AFAP1: variants seen among roughly 807,000 people sequenced by gnomAD.
AFAP1 encodes the protein actin filament associated protein 1, also known as actin filament-associated protein 1.
Under a neutral mutation model 93.9 loss-of-function variants are expected in AFAP1, and 75 were observed. The ratio of observed to expected loss-of-function variants is 0.80; its 90% confidence interval spans 0.66 to 0.97. The LOEUF (loss-of-function observed/expected upper bound fraction) is 0.97, where lower values mean the gene tolerates loss of function less well. Among genes scored for constraint, AFAP1 ranks in the 50% least tolerant of loss-of-function variants. AFAP1 has a pLI of 0.00. For synonymous variants in AFAP1, 517 were observed against 430.7 expected (o/e 1.20, Z -2.48); for missense variants, 1,201 against 1,050.8 (o/e 1.14, Z -1.98).
intron 14 of AFAP1, 139 bp downstream of exon 14, chr4:7,778,623 G>A (rs946705609): frequency 4.9e-6 from 4 of 815,790 alleles, no homozygotes; most frequent in Admixed American, 1.9e-5. Context: ...TGTGGCTGAT[G>A]AGGAAGGATG....
intron 3 of AFAP1, chr4:7,862,226 G>C (rs971825059): frequency 2.0e-5 from 3 of 152,170 alleles, no homozygotes; most frequent in Non-Finnish European, 2.9e-5. Flanking sequence ...CCAGCTACTC[G>C]GGAGGCTGAG....
intron 6 of AFAP1, among the ~76,000 whole-genome samples, chr4:7,825,595 G>A (rs1274170525): frequency 6.6e-6 from 1 of 152,152 alleles, no homozygotes; most frequent in African/African-American, 2.4e-5. Context: ...AACACTGTGT[G>A]TAGAATGAGA....
intron 4 of AFAP1, among the ~76,000 whole-genome samples, chr4:7,851,392 A>C (rs890601711): frequency 3.9e-5 from 6 of 152,192 alleles, no homozygotes; most frequent in Admixed American, 3.9e-4. Context: ...TTCCCTCAAC[A>C]ACCATTCATG....
intron 1 of AFAP1, among the ~76,000 whole-genome samples, chr4:7,918,895 C>A (rs59524238): frequency 8.2e-5 from 12 of 146,818 alleles, no homozygotes; most frequent in South Asian, 2.2e-4. Flanking sequence ...AAGAGACACT[C>A]GGCCCAGGTC....
intron 16 of AFAP1, among the ~76,000 whole-genome samples, chr4:7,771,684 G>C (rs1055922414): frequency 2.0e-5 from 3 of 152,206 alleles, no homozygotes; most frequent in Admixed American, 2.0e-4. Flanking sequence ...TCAAGCCCTG[G>C]CCTGTGTGAC....
intron 4 of AFAP1, 105 bp from the exon 5 acceptor site, chr4:7,843,455 T>C: frequency 2.9e-6 from 3 of 1,044,944 alleles, no homozygotes; most frequent in Non-Finnish European, 4.1e-6. Context: ...AGTAACTGAA[T>C]GAGAAAGGGA....
At chr4:7,846,073 C>T (rs1170653854) in intron 4 of AFAP1, among the ~76,000 whole-genome samples, 1 of 152,316 alleles carries the variant, frequency 6.6e-6, no homozygotes, top group African/African-American at 2.4e-5. Context: ...AGCGAAAGCA[C>T]TGACAAGCAT....
At chr4:7,820,317 G>T (rs997655443) in intron 6 of AFAP1, among the ~76,000 whole-genome samples, 1 of 152,232 alleles carries the variant, frequency 6.6e-6, no homozygotes, top group Non-Finnish European at 1.5e-5. Context: ...AAGCCAGTTT[G>T]AAGTCAACAG....
rs7654948 is a variant in AFAP1 at position 7,890,245 on chromosome 4, T to C, written c.-2-18165A>G. On this transcript the variant is annotated intron_variant, in intron 1 of 17. Coordinates refer to ENST00000420658, the MANE Select transcript of AFAP1 (RefSeq NM_001134647.2). ...ACCCACACATAAACGGTCAACTGAC[T>C]TTTGACAAAGATGCCAAGATAATGC... Among the ~76,000 whole-genome samples the C allele has an allele frequency of 1.1e-3, 169 of 152,298 alleles. 3 individuals carry two copies. The highest frequency in any genetic ancestry group is 3.9e-3 in the African/African-American group (161 of 41,568).
At chr4:7,773,931 G>C (rs888221445) in intron 15 of AFAP1, 1 of 152,402 alleles carries the variant, frequency 6.6e-6, no homozygotes, top group Non-Finnish European at 1.5e-5. Context: ...CTCCCCGCGC[G>C]GCGAGCCATG....
intron 1 of AFAP1, among the ~76,000 whole-genome samples, chr4:7,894,015 A>G (rs1440459165): frequency 9.9e-5 from 15 of 152,190 alleles, no homozygotes; most frequent in Non-Finnish European, 2.2e-4. Context: ...TCAAGAAGGG[A>G]GACAGCACAG....
Position 7,774,762 on chromosome 4 carries a change from C to A in AFAP1, c.2039G>T (p.Arg680Leu). Residue 680 changes from arginine (R) to leucine (L), a missense_variant, in exon 15 of 18, where the codon CGA (arginine) becomes CTA (leucine). By Grantham distance (102) the Arg-to-Leu change is moderately radical. Transcript: ENST00000420658. ...ACCGGCGTTCACTTCAATAGCCGCTCGAAGGTCTTTTCTTTCCTTGCGGAG... is the reference window on the plus strand; with the variant it reads ...ACCGGCGTTCACTTCAATAGCCGCTAGAAGGTCTTTTCTTTCCTTGCGGAG... Reference protein sequence around the residue: ...AQLRKERKDLRAAIEVNAGRK... With the variant: ...AQLRKERKDLLAAIEVNAGRK... The A allele has an allele frequency of 1.1e-5, 17 of 1,614,208 alleles. No individual in the cohort carries two copies. Among genetic ancestry groups the A allele is most frequent in the Non-Finnish European group, 1.4e-5 (17 of 1,180,036 alleles).
chr4:7,915,244 G>T lies in AFAP1; in HGVS notation c.-3+24412C>A, dbSNP rs1000039660. Among the ~76,000 whole-genome samples the T allele has an allele frequency of 6.1e-5, 3 of 49,496 alleles. No individual in the cohort carries two copies. The South Asian group carries it at 3.0e-3, about 50-fold the overall frequency. The allele number at this position is 49,496 out of a possible 152,430, so 32.5% of individuals were successfully genotyped here. On this transcript the variant is annotated intron_variant, in intron 1 of 17. Transcript: ENST00000420658. ...AGAGTTCCCTTTTCTCCATATCCTC[G>T]CCAGCACTTGTTATTTTTTGTCTTC...
Position 7,774,881 on chromosome 4 carries a change from G to A in AFAP1, c.1920C>T (p.Gly640=). ...TGSNAAQYKY[G]KNRVEADAKR... The stretch of plus-strand genomic sequence containing the variant: ...TGGCATCTGCTTCTACCCGGTTCTT[G>A]CCATACTTGTACTGGGCAGCATCTT... Residue 640 remains glycine, a synonymous_variant, in exon 15 of 18, where the codon GGC becomes GGT. Transcript: ENST00000420658. 1 of 1,614,068 alleles carries A rather than the reference G, an allele frequency of 6.2e-7. No homozygotes were observed. The highest frequency in any genetic ancestry group is 2.2e-5 in the East Asian group (1 of 44,872).
At chr4:7,829,266 A>G (rs1424150473) in intron 6 of AFAP1, among the ~76,000 whole-genome samples, 2 of 152,224 alleles carry the variant, frequency 1.3e-5, no homozygotes, top group African/African-American at 4.8e-5. Flanking sequence ...CTGGCTCCCA[A>G]GTCCTTTTCC....
At chr4:7,830,088 G>A (rs537803157) in intron 6 of AFAP1, among the ~76,000 whole-genome samples, 1 of 101,550 alleles carries the variant, frequency 9.8e-6, no homozygotes, top group East Asian at 2.9e-4. Context: ...AAATCTCCAG[G>A]ATACTTTGTT....
In AFAP1 at chr4:7,843,240, C is replaced by T. The variant is rs773812085; in HGVS notation, c.445G>A (p.Asp149Asn). 2 of 1,614,046 alleles carry T rather than the reference C, an allele frequency of 1.2e-6. No homozygotes were observed. Among genetic ancestry groups the T allele is most frequent in the African/African-American group, 2.7e-5 (2 of 74,936 alleles). The change falls in exon 5 of 18, where the codon GAC becomes AAC. Residue 149 changes from aspartate (D) to asparagine (N), a missense_variant. Physicochemically the swap from Asp to Asn is conservative, Grantham distance 23. Coordinates refer to ENST00000420658, the MANE Select transcript of AFAP1 (RefSeq NM_001134647.2). Reference sequence around the variant, plus strand: ...CAGATTTTGGCGTCCTTGACCAGGTCCATGGAGGCCTCCTCGGAGGGCCAC... The same window carrying T: ...CAGATTTTGGCGTCCTTGACCAGGTTCATGGAGGCCTCCTCGGAGGGCCAC... ...HQWPSEEASM[D>N]LVKDAKICAF...
chr4:7,829,140 C>T (rs999807283), intron 6 of AFAP1, among the ~76,000 whole-genome samples: 4 of 152,186 alleles, frequency 2.6e-5, no homozygotes, highest in Admixed American at 2.0e-4. Flanking sequence ...CCCAAGGCCT[C>T]CCCAGCCATG....
intron 9 of AFAP1, among the ~76,000 whole-genome samples, chr4:7,804,395 G>T (rs541653523): frequency 1.2e-4 from 19 of 152,162 alleles, no homozygotes; most frequent in Non-Finnish European, 2.1e-4. Context: ...AAAAATTTCT[G>T]AGTTTAATGT....
Sources: gnomAD v4.1 joint callset for allele counts (sites outside exome capture counted in the v4.1 genomes callset) on GRCh38, gnomAD v4.1.1 for gene constraint, MANE v1.5 for transcripts, NCBI Gene and HGNC (gene_info 2026-07-23, HGNC 2026-07-21) for gene names.